Variants in PRSS38 observed in about 807,000 individuals in gnomAD.
PRSS38 encodes the protein marapsin 2.
PRSS38 carries 22 observed loss-of-function variants against 26.8 expected under a neutral mutation model. That is an observed-to-expected ratio of 0.82 (90% CI 0.59 to 1.17). PRSS38 has a LOEUF of 1.17. Among genes scored for constraint, PRSS38 ranks in the 50% most tolerant of loss-of-function variants. The pLI, the probability that PRSS38 is intolerant of heterozygous loss-of-function variation, is 0.00. For missense variants in PRSS38, 427 were observed against 422.7 expected (o/e 1.01, Z -0.09); for synonymous variants, 175 against 172.1 (o/e 1.02, Z -0.13).
chr1:227,835,680 A>T (rs760042930), intron 3 of PRSS38, among the ~76,000 whole-genome samples: 6 of 152,182 alleles, frequency 3.9e-5, no homozygotes, highest in Non-Finnish European at 8.8e-5. Flanking sequence ...TCAAAAACAC[A>T]ATGCTAAGTG....
chr1:227,845,413 TC>T (rs35270693), intron 3 of PRSS38, 56 bp from the exon 4 acceptor site: 244 of 1,266,932 alleles, frequency 1.9e-4, no homozygotes, highest in Non-Finnish European at 2.6e-4. Flanking sequence ...GGGGCAGGGA[TC>T]CCCCCACCCC....
chr1:227,816,013 TC>T lies in PRSS38; in HGVS notation c.149-72del. On this transcript the variant is annotated intron_variant, in intron 1 of 4. Coordinates refer to ENST00000366757, the Ensembl canonical transcript of PRSS38. The surrounding 1 kb of genome is among the most constrained non-coding windows in gnomAD (Gnocchi z 5.1). ...CCCTTCCTCCTGTGTCCCCTGCCCC[TC>T]CCCCACGTCCCCTGCCTGCCCTACC... 1 of 881,306 alleles carries T rather than the reference TC, an allele frequency of 1.1e-6. No individual in the cohort carries two copies. Among genetic ancestry groups the T allele is most frequent in the Non-Finnish European group, 1.5e-6 (1 of 661,664 alleles). 54.6% of individuals were successfully genotyped at this position (881,306 alleles called of 1,614,324 possible).
rs891081702 is a variant in PRSS38 at position 227,844,177 on chromosome 1, G to A, written c.584-1293G>A. On this transcript the variant is annotated intron_variant, in intron 3 of 4. Transcript: ENST00000366757. The stretch of plus-strand genomic sequence containing the variant: ...TTCAGGAAACCAAACACAGGATTGG[G>A]GTTAGGGCTAGGGGTTAGGCTTAAG... Among the ~76,000 whole-genome samples, 14 of 152,312 alleles carry A rather than the reference G, an allele frequency of 9.2e-5. No individual in the cohort carries two copies. In the South Asian group the frequency reaches 2.9e-3, roughly 32 times the overall value.
intron 3 of PRSS38, among the ~76,000 whole-genome samples, chr1:227,824,393 G>C (rs1236067122): frequency 6.6e-6 from 1 of 152,188 alleles, no homozygotes; most frequent in East Asian, 1.9e-4. Context: ...CCCTGAAAAG[G>C]ACATGATCTC....
chr1:227,837,872 T>C (rs1242924198), intron 3 of PRSS38, among the ~76,000 whole-genome samples: 2 of 152,210 alleles, frequency 1.3e-5, no homozygotes, highest in African/African-American at 4.8e-5. Context: ...TCAACGTGTA[T>C]TGCAAATATT....
At chr1:227,845,356 G>A (rs116763490) in intron 3 of PRSS38, 114 bp from the exon 4 acceptor site, 17,959 of 699,486 alleles carry the variant, frequency 0.026, 337 homozygotes, top group Middle Eastern at 0.032. Flanking sequence ...TCCTTCCTAC[G>A]TATAGTGGGG....
At chr1:227,842,902 C>T (rs1665359963) in intron 3 of PRSS38, among the ~76,000 whole-genome samples, 1 of 152,136 alleles carries the variant, frequency 6.6e-6, no homozygotes, top group Non-Finnish European at 1.5e-5. Context: ...TACCATGCAT[C>T]TTTGACAGAC....
exon 4 of PRSS38, chr1:227,845,595 G>A: frequency 1.9e-6 from 3 of 1,613,704 alleles, no homozygotes; most frequent in Non-Finnish European, 2.5e-6. Context: ...CATCCTGAAT[G>A]CTAAGACCGT....
Position 227,816,595 on chromosome 1 carries a change from A to T in PRSS38, c.311+343A>T, listed in dbSNP as rs1664921772. ...TCCTCAAATGCACAGCCTGGTCCCC[A>T]TGTGCAAGGCTGGTCCCCTAAGTGC... On this transcript the variant is annotated intron_variant, in intron 2 of 4. Transcript: ENST00000366757. This position sits in a 1 kb window ranked among gnomAD's most constrained non-coding sequence, Gnocchi z 5.1. Among the ~76,000 whole-genome samples the T allele has an allele frequency of 1.3e-5, 2 of 151,588 alleles. No homozygotes were observed. The highest frequency in any genetic ancestry group is 2.9e-5 in the Non-Finnish European group (2 of 67,908).
At chr1:227,837,118 G>A (rs2102683046) in intron 3 of PRSS38, among the ~76,000 whole-genome samples, 2 of 152,292 alleles carry the variant, frequency 1.3e-5, no homozygotes, top group South Asian at 4.1e-4. Flanking sequence ...AGCCTTCAGA[G>A]GAGCTGGGAC....
At chr1:227,839,192 G>C (rs1449891461) in intron 3 of PRSS38, among the ~76,000 whole-genome samples, 1 of 152,180 alleles carries the variant, frequency 6.6e-6, no homozygotes, top group South Asian at 2.1e-4. Context: ...AGGTGCAGTG[G>C]TTCAAGCCTG....
At chr1:227,818,948 T>C (rs1664962893) in intron 3 of PRSS38, among the ~76,000 whole-genome samples, 1 of 152,236 alleles carries the variant, frequency 6.6e-6, no homozygotes, top group Non-Finnish European at 1.5e-5. Context: ...GGCTACTGGT[T>C]CATTCCAATT....
chr1:227,835,055 G>A (rs1334789807), intron 3 of PRSS38, among the ~76,000 whole-genome samples: 2 of 152,150 alleles, frequency 1.3e-5, no homozygotes, highest in African/African-American at 4.8e-5. Flanking sequence ...AAGATAACAT[G>A]TAAATGGTCC....
chr1:227,843,364 C>T (rs1395470430), intron 3 of PRSS38, among the ~76,000 whole-genome samples: 1 of 152,188 alleles, frequency 6.6e-6, no homozygotes, highest in Non-Finnish European at 1.5e-5. Flanking sequence ...TCCCATTCTC[C>T]CACACCCAAC....
intron 3 of PRSS38, among the ~76,000 whole-genome samples, chr1:227,827,821 G>A (rs1293317394): frequency 6.6e-6 from 1 of 151,792 alleles, no homozygotes; most frequent in East Asian, 1.9e-4. Flanking sequence ...TTTTGATGTG[G>A]GCATTTAGTG....
intron 3 of PRSS38, among the ~76,000 whole-genome samples, chr1:227,833,384 G>A (rs1205251504): frequency 2.6e-5 from 4 of 152,080 alleles, no homozygotes; most frequent in African/African-American, 7.2e-5. Flanking sequence ...AAAATTAGCC[G>A]GGCGTGGTCA....
intron 1 of PRSS38, 28 bp downstream of exon 1, chr1:227,815,892 C>T (rs373739313): frequency 1.7e-4 from 263 of 1,576,256 alleles, no homozygotes; most frequent in Non-Finnish European, 2.2e-4. Flanking sequence ...GGCGGATGGG[C>T]GGCTGGAGAC....
chr1:227,829,071 C>T (rs912487487), intron 3 of PRSS38, among the ~76,000 whole-genome samples: 4 of 152,220 alleles, frequency 2.6e-5, no homozygotes, highest in African/African-American at 7.2e-5. Flanking sequence ...TCACCCCACC[C>T]TGCCTTTCTT....
intron 3 of PRSS38, among the ~76,000 whole-genome samples, chr1:227,831,415 T>C (rs7535238): frequency 0.027 from 4,182 of 152,280 alleles, 70 homozygotes; most frequent in South Asian, 0.083. Context: ...TATGGAGACA[T>C]GTACTATGGC....
Sources: gnomAD v4.1 joint callset for allele counts (sites outside exome capture counted in the v4.1 genomes callset) on GRCh38, gnomAD v4.1.1 for gene constraint, Gnocchi (gnomAD v3.1) non-coding constraint, MANE v1.5 for transcripts, NCBI Gene and HGNC (gene_info 2026-07-23, HGNC 2026-07-21) for gene names.